COMMD10: variants seen among roughly 807,000 people sequenced by gnomAD.
COMMD10 encodes the protein COMM domain containing 10, also known as COMM domain-containing protein 10.
COMMD10 carries 33 observed loss-of-function variants against 28.9 expected under a neutral mutation model. The ratio of observed to expected loss-of-function variants is 1.14; its 90% CI spans 0.87 to 1.53. The LOEUF is 1.53. COMMD10 is among the 40% of genes most tolerant of loss of function. COMMD10 has a pLI of 0.00. For missense variants in COMMD10, 310 were observed against 233.4 expected (o/e 1.33, Z -2.14); for synonymous variants, 110 against 81.7 (o/e 1.35, Z -1.87).
chr5:116,169,991 C>T (rs1753266927), intron 5 of COMMD10, among the ~76,000 whole-genome samples: 1 of 151,918 alleles, frequency 6.6e-6, no homozygotes, highest in Non-Finnish European at 1.5e-5. Context: ...CTGGCCAGGG[C>T]AATCAGGGAA....
chr5:116,261,321 G>A (rs1181471104), intron 5 of COMMD10, among the ~76,000 whole-genome samples: 1 of 151,606 alleles, frequency 6.6e-6, no homozygotes, highest in Non-Finnish European at 1.5e-5. Flanking sequence ...TGTGACCGTT[G>A]CTATTTGCTT....
At chr5:116,196,359 G>C (rs929775560) in intron 5 of COMMD10, among the ~76,000 whole-genome samples, 1 of 152,064 alleles carries the variant, frequency 6.6e-6, no homozygotes, top group South Asian at 2.1e-4. Context: ...AGAGAGGGAG[G>C]GGGTGAGGGA....
chr5:116,232,243 G>T (rs914651811), intron 5 of COMMD10, among the ~76,000 whole-genome samples: 6 of 152,086 alleles, frequency 3.9e-5, no homozygotes, highest in Non-Finnish European at 8.8e-5. Context: ...TGGCTTACTG[G>T]GTTATGATTT....
chr5:116,130,235 G>A lies in COMMD10; in HGVS notation c.400-3833G>A, dbSNP rs115016552. Reference sequence around the variant, plus strand: ...TGCGGGACATTATTTTAAGTGCTCCGGGTATAGCACTGATAAAAAGGGCAA... The same window carrying A: ...TGCGGGACATTATTTTAAGTGCTCCAGGTATAGCACTGATAAAAAGGGCAA... On this transcript the variant is annotated intron_variant, in intron 4 of 6. Coordinates refer to ENST00000274458, the MANE Select transcript of COMMD10 (RefSeq NM_016144.4). 1.8e-3 allele frequency among the ~76,000 whole-genome samples: 276 copies of A among 151,872 alleles called. 1 individual carries two copies. The highest frequency in any genetic ancestry group is 6.3e-3 in the African/African-American group (263 of 41,480).
At chr5:116,176,139 AT>A (rs2112588913) in intron 5 of COMMD10, among the ~76,000 whole-genome samples, 1 of 152,076 alleles carries the variant, frequency 6.6e-6, no homozygotes, top group East Asian at 1.9e-4. Context: ...GTTGAGATAG[AT>A]TGTCTTTGTC....
chr5:116,252,174 A>T (rs906156447), intron 5 of COMMD10, among the ~76,000 whole-genome samples: 4 of 142,296 alleles, frequency 2.8e-5, no homozygotes, highest in African/African-American at 1.1e-4. Context: ...AATTTGTTTG[A>T]GTTCATTGTA....
chr5:116,241,050 G>A (rs1388006058), intron 5 of COMMD10, among the ~76,000 whole-genome samples: 1 of 152,134 alleles, frequency 6.6e-6, no homozygotes, highest in Non-Finnish European at 1.5e-5. Context: ...AAGATTAAGT[G>A]ACTAGTTTAT....
chr5:116,152,839 A>G (rs552257787), intron 5 of COMMD10, among the ~76,000 whole-genome samples: 2 of 152,254 alleles, frequency 1.3e-5, no homozygotes, highest in African/African-American at 4.8e-5. Flanking sequence ...TATGAGAATT[A>G]TAAGCATAAA....
chr5:116,111,434 T>TTTGCTGTGTCCTACAGATTTTTGTA (rs1554084430), intron 4 of COMMD10, among the ~76,000 whole-genome samples: 3 of 150,818 alleles, frequency 2.0e-5, no homozygotes, highest in Non-Finnish European at 4.4e-5. Context: ...TAGCACTGGT[T>TTTGCTGTGTCCTACAGATTTTTGTA]TTGCTGTGTC....
chr5:116,208,121 T>G (rs1025804899), intron 5 of COMMD10, among the ~76,000 whole-genome samples: 1 of 152,186 alleles, frequency 6.6e-6, no homozygotes, highest in Non-Finnish European at 1.5e-5. Context: ...GAAATAAATA[T>G]AACTCTATCT....
At chr5:116,216,828 C>T (rs561203350) in intron 5 of COMMD10, among the ~76,000 whole-genome samples, 25 of 152,176 alleles carry the variant, frequency 1.6e-4, no homozygotes, top group Non-Finnish European at 2.4e-4. Flanking sequence ...GCCACTGCAC[C>T]GGGCCCTAGC....
chr5:116,132,301 AG>A (rs1450996766), intron 4 of COMMD10, among the ~76,000 whole-genome samples: 1 of 152,168 alleles, frequency 6.6e-6, no homozygotes, highest in Non-Finnish European at 1.5e-5. Flanking sequence ...CCAGAAAAGT[AG>A]GTAGTTCAGA....
At chr5:116,270,034 A>G (rs1580600614) in intron 5 of COMMD10, among the ~76,000 whole-genome samples, 1 of 59,870 alleles carries the variant, frequency 1.7e-5, no homozygotes, top group East Asian at 5.0e-4. Flanking sequence ...AAGGTTAGTA[A>G]ATGGACAGCA....
intron 4 of COMMD10, among the ~76,000 whole-genome samples, chr5:116,114,959 C>T (rs760949761): frequency 1.3e-5 from 2 of 152,114 alleles, no homozygotes; most frequent in Admixed American, 1.3e-4. Context: ...GTTTATGTCA[C>T]GCTTGCTTTT....
chr5:116,095,420 A>G (rs1460302066), intron 4 of COMMD10, among the ~76,000 whole-genome samples: 2 of 152,240 alleles, frequency 1.3e-5, no homozygotes, highest in Non-Finnish European at 2.9e-5. Context: ...TGTTTGGTAG[A>G]TTAAGTGTAT....
chr5:116,104,144 C>T (rs544488053), intron 4 of COMMD10, among the ~76,000 whole-genome samples: 16 of 152,304 alleles, frequency 1.1e-4, no homozygotes, highest in Non-Finnish European at 2.1e-4. Context: ...CTTTTGGTTC[C>T]ATGTGAAATT....
intron 5 of COMMD10, among the ~76,000 whole-genome samples, chr5:116,289,507 C>G (rs1300954573): frequency 6.6e-6 from 1 of 151,880 alleles, no homozygotes; most frequent in Non-Finnish European, 1.5e-5. Context: ...TAATATGCCT[C>G]TCACCTCTGT....
At chr5:116,233,311 T>A (rs915488804) in intron 5 of COMMD10, among the ~76,000 whole-genome samples, 15 of 152,108 alleles carry the variant, frequency 9.9e-5, no homozygotes, top group African/African-American at 3.4e-4. Flanking sequence ...GTGCTTAATA[T>A]ACAAATTAAA....
At chr5:116,269,483 A>C (rs773030435) in intron 5 of COMMD10, among the ~76,000 whole-genome samples, 3 of 151,850 alleles carry the variant, frequency 2.0e-5, no homozygotes, top group Non-Finnish European at 2.9e-5. Context: ...AGTAAAATAA[A>C]AAATCTTATG....
Sources: gnomAD v4.1 joint callset for allele counts (sites outside exome capture counted in the v4.1 genomes callset) on GRCh38, gnomAD v4.1.1 for gene constraint, MANE v1.5 for transcripts, NCBI Gene and HGNC (gene_info 2026-07-23, HGNC 2026-07-21) for gene names.